The following PLEKHH2 variants were observed in gnomAD, a reference collection of about 807,000 sequenced individuals.
PLEKHH2 encodes the protein pleckstrin homology, MyTH4 and FERM domain containing H2.
In PLEKHH2, 129 loss-of-function variants were observed where a neutral mutation model predicts 187.9. The ratio of observed to expected loss-of-function variants is 0.69; its 90% CI spans 0.59 to 0.79. PLEKHH2 has a LOEUF of 0.79. PLEKHH2 is among the 30% of genes least tolerant of loss of function. The pLI is 0.00. For synonymous variants in PLEKHH2, 686 were observed against 605.6 expected, an observed-to-expected ratio of 1.13 and a Z score of -1.95; for missense variants, 2,076 against 1,751.2, an observed-to-expected ratio of 1.19 and a Z score of -3.31.
chr2:43,725,431 C>G (rs892361437), intron 16 of PLEKHH2, among the ~76,000 whole-genome samples: 3 of 152,330 alleles, frequency 2.0e-5, no homozygotes, highest in Middle Eastern at 3.4e-3. Context: ...ACCTTCCCCC[C>G]TCCTTCTGTG....
intron 2 of PLEKHH2, among the ~76,000 whole-genome samples, chr2:43,671,924 G>A (rs1223412962): frequency 6.6e-6 from 1 of 152,110 alleles, no homozygotes; most frequent in Non-Finnish European, 1.5e-5. Flanking sequence ...TGGCAATACT[G>A]GCCTTATAAA....
intron 28 of PLEKHH2, 75 bp downstream of exon 28, chr2:43,762,465 G>C: frequency 8.8e-7 from 1 of 1,139,598 alleles, no homozygotes; most frequent in Non-Finnish European, 1.3e-6. Context: ...AGAAAGTAAT[G>C]ATATCTTAAT....
At chr2:43,743,717 C>G (rs1461761832) in intron 22 of PLEKHH2, 117 bp from the exon 23 acceptor site, 1 of 999,284 alleles carries the variant, frequency 1.0e-6, no homozygotes, top group Non-Finnish European at 1.3e-6. Context: ...AGTTGAAGCA[C>G]CTAGAAAAAT....
intron 17 of PLEKHH2, among the ~76,000 whole-genome samples, chr2:43,728,325 A>G (rs1015812163): frequency 6.6e-6 from 1 of 151,602 alleles, no homozygotes; most frequent in Admixed American, 6.6e-5. Flanking sequence ...CTAAAAATAC[A>G]AAAAGTAGCT....
At chr2:43,734,876 T>C (rs1285562073) in intron 19 of PLEKHH2, among the ~76,000 whole-genome samples, 2 of 152,120 alleles carry the variant, frequency 1.3e-5, no homozygotes, top group Admixed American at 1.3e-4. Context: ...GAATGGATAA[T>C]GATGGGCCGG....
At chr2:43,709,219 T>G (rs6544692) in intron 11 of PLEKHH2, among the ~76,000 whole-genome samples, 91,717 of 151,974 alleles carry the variant, frequency 0.6, 29,332 homozygotes, top group African/African-American at 0.81. Flanking sequence ...TTTTATGAAA[T>G]ATTTTTAAAA....
At chr2:43,678,497 T>C (rs1667982692) in intron 2 of PLEKHH2, among the ~76,000 whole-genome samples, 1 of 152,162 alleles carries the variant, frequency 6.6e-6, no homozygotes, top group Admixed American at 6.5e-5. Flanking sequence ...CACTCGCGGT[T>C]AGGAGCTGGA....
chr2:43,718,073 T>A (rs1449881947), intron 15 of PLEKHH2, among the ~76,000 whole-genome samples: 3 of 152,186 alleles, frequency 2.0e-5, no homozygotes, highest in Admixed American at 2.0e-4. Flanking sequence ...GATATACTGT[T>A]TGTCTTCAAG....
Position 43,765,639 on chromosome 2 carries a change from T to C in PLEKHH2, c.*41T>C. 1 of 1,587,630 alleles carries C rather than the reference T, an allele frequency of 6.3e-7. No homozygotes were observed. The highest frequency in any genetic ancestry group is 8.6e-7 in the Non-Finnish European group (1 of 1,167,362). ...AACATTCACTCCTTGTCCTCCATGC[T>C]GTGGCTGTATCAGCTCCCTACAAGT... On this transcript the variant is annotated 3_prime_UTR_variant, in exon 30 of 30. Coordinates refer to ENST00000282406, the MANE Select transcript of PLEKHH2 (RefSeq NM_172069.4).
chr2:43,675,860 G>C, intron 2 of PLEKHH2: 2 of 1,613,994 alleles, frequency 1.2e-6, no homozygotes, highest in East Asian at 2.2e-5. Flanking sequence ...GTAAACAAAA[G>C]GTACTTTAAA....
intron 15 of PLEKHH2, among the ~76,000 whole-genome samples, chr2:43,713,576 G>T (rs989364428): frequency 1.3e-5 from 2 of 151,308 alleles, no homozygotes; most frequent in Non-Finnish European, 2.9e-5. Flanking sequence ...CTTATTTGTT[G>T]TAAGTATTTA....
At chr2:43,742,691 G>A in intron 21 of PLEKHH2, 50 bp from the exon 22 acceptor site, 1 of 1,342,918 alleles carries the variant, frequency 7.4e-7, no homozygotes, top group Non-Finnish European at 1.0e-6. Context: ...CACATATTAG[G>A]TTGTCAATTA....
At position 43,767,105 on chromosome 2, in the gene PLEKHH2, T is replaced by A. The variant is rs1234582736; in HGVS notation, c.*1507T>A. ...AAAATTATATTATTAAAATGTTCAA[T>A]TGTAATGGTAATCATGAGTATACTT... On this transcript the variant is annotated 3_prime_UTR_variant, in exon 30 of 30. Transcript: ENST00000282406. 1 of 152,712 alleles carries A rather than the reference T, an allele frequency of 6.5e-6. No homozygotes were observed. Among genetic ancestry groups the A allele is most frequent in the Non-Finnish European group, 1.5e-5 (1 of 68,030 alleles). 9.5% of individuals were successfully genotyped at this position (152,712 alleles called of 1,614,324 possible).
intron 14 of PLEKHH2, chr2:43,711,777 C>T (rs1669979247): frequency 2.5e-6 from 1 of 407,740 alleles, no homozygotes. Flanking sequence ...CCTGTAAGTC[C>T]CAGCTGCTCG....
At chr2:43,763,373 C>T (rs191943070) in intron 28 of PLEKHH2, among the ~76,000 whole-genome samples, 1 of 152,098 alleles carries the variant, frequency 6.6e-6, no homozygotes, top group Non-Finnish European at 1.5e-5. Context: ...ATGCAGAGTC[C>T]TTTCAGGCTG....
At chr2:43,691,756 C>A (rs1668807635) in intron 3 of PLEKHH2, among the ~76,000 whole-genome samples, 1 of 152,210 alleles carries the variant, frequency 6.6e-6, no homozygotes, top group African/African-American at 2.4e-5. Context: ...CTCCTGGACT[C>A]AAGCTATCTG....
intron 15 of PLEKHH2, among the ~76,000 whole-genome samples, chr2:43,717,529 G>T (rs1441233234): frequency 6.6e-6 from 1 of 152,140 alleles, no homozygotes; most frequent in East Asian, 1.9e-4. Context: ...AGAATAGAAA[G>T]TAAATTGCAG....
intron 2 of PLEKHH2, among the ~76,000 whole-genome samples, chr2:43,670,453 T>TAA (rs994963894): frequency 6.6e-6 from 1 of 152,164 alleles, no homozygotes; most frequent in Non-Finnish European, 1.5e-5. Context: ...ACAATGAAGA[T>TAA]AGAGTAAACC....
rs371743114 is a variant in PLEKHH2 at position 43,720,677 on chromosome 2, T to A, written c.2469T>A (p.His823Gln). 2.5e-6 allele frequency: 4 copies of A among 1,606,656 alleles called. No homozygotes were observed. The highest frequency in any genetic ancestry group is 2.5e-6 in the Non-Finnish European group (3 of 1,178,102). ...TMKGLLTKVKHGYSKRVWCTL... is the reference protein window; with the variant it reads ...TMKGLLTKVKQGYSKRVWCTL... ...TTGAAATATGGTTTCAGGTAAAACA[T>A]GGATATTCCAAGAGAGTCTGGTGTA... The change falls in exon 16 of 30, where the codon CAT becomes CAA. Residue 823 changes from histidine to glutamine, a missense_variant. Coordinates refer to ENST00000282406, the MANE Select transcript of PLEKHH2 (RefSeq NM_172069.4).
Sources: gnomAD v4.1 joint callset for allele counts (sites outside exome capture counted in the v4.1 genomes callset) on GRCh38, gnomAD v4.1.1 for gene constraint, MANE v1.5 for transcripts, NCBI Gene and HGNC (gene_info 2026-07-23, HGNC 2026-07-21) for gene names.